Variants in KCNIP4 observed in about 807,000 individuals in gnomAD.
KCNIP4 encodes the protein potassium voltage-gated channel interacting protein 4.
A neutral mutation model predicts 34.0 loss-of-function variants in KCNIP4; 12 were observed. The ratio of observed to expected loss-of-function variants is 0.35; its 90% CI spans 0.23 to 0.57. The LOEUF is 0.57. Among genes scored for constraint, KCNIP4 ranks in the 20% least tolerant of loss-of-function variants. The pLI, the probability that KCNIP4 is intolerant of heterozygous loss-of-function variation, is 0.83. For synonymous variants in KCNIP4, 124 were observed against 102.2 expected (o/e 1.21, Z -1.29); for missense variants, 238 against 311.7 (o/e 0.76, Z 1.78).
intron 1 of KCNIP4, among the ~76,000 whole-genome samples, chr4:21,651,821 A>G (rs1225782218): frequency 2.0e-5 from 3 of 152,328 alleles, no homozygotes; most frequent in Admixed American, 1.3e-4. Context: ...GAACTCAGGT[A>G]AGTTATTGAA....
At chr4:20,819,164 G>A (rs955665926) in intron 3 of KCNIP4, among the ~76,000 whole-genome samples, 1 of 151,856 alleles carries the variant, frequency 6.6e-6, no homozygotes, top group Non-Finnish European at 1.5e-5. Flanking sequence ...CTGGCCTTAT[G>A]TTATCTCACT....
chr4:21,270,676 G>T (rs1312047355), intron 1 of KCNIP4, among the ~76,000 whole-genome samples: 1 of 152,012 alleles, frequency 6.6e-6, no homozygotes, highest in African/African-American at 2.4e-5. Context: ...GCACTTGGAA[G>T]AAGACACATT....
chr4:21,316,535 T>C (rs1713780477), intron 1 of KCNIP4: 1 of 152,206 alleles, frequency 6.6e-6, no homozygotes, highest in Non-Finnish European at 1.5e-5. Flanking sequence ...ACTTTAATCA[T>C]TAACACCATG....
chr4:20,771,701 G>A (rs1330966326), intron 3 of KCNIP4, among the ~76,000 whole-genome samples: 6 of 151,344 alleles, frequency 4.0e-5, no homozygotes, highest in Non-Finnish European at 8.8e-5. Context: ...ACAGAATCTC[G>A]CTCTGCCGCC....
chr4:21,199,851 C>T (rs1215339004), intron 1 of KCNIP4, among the ~76,000 whole-genome samples: 1 of 151,906 alleles, frequency 6.6e-6, no homozygotes, highest in African/African-American at 2.4e-5. Context: ...CCATGGAATA[C>T]TATGCAGCCA....
At chr4:21,471,024 C>T (rs1730424369) in intron 1 of KCNIP4, among the ~76,000 whole-genome samples, 1 of 152,096 alleles carries the variant, frequency 6.6e-6, no homozygotes, top group Admixed American at 6.6e-5. Context: ...TCTCAATGCT[C>T]TCCCTACCTC....
rs2108984648 is a variant in KCNIP4 at position 21,658,133 on chromosome 4, C to A, written c.61+290438G>T. ...GATTATAGGCGTGAGCCACCGCTCCCAGCCTAAATGTAATTTTATTTAAGA... is the reference window on the plus strand; with the variant it reads ...GATTATAGGCGTGAGCCACCGCTCCAAGCCTAAATGTAATTTTATTTAAGA... On this transcript the variant is annotated intron_variant, in intron 1 of 8. Coordinates refer to ENST00000382152, the MANE Select transcript of KCNIP4 (RefSeq NM_025221.6). Among the ~76,000 whole-genome samples the A allele has an allele frequency of 2.0e-5, 3 of 152,244 alleles. No homozygotes were observed. The South Asian group carries it at 6.2e-4, about 32-fold the overall frequency.
At chr4:21,839,232 A>G (rs2109317824) in intron 1 of KCNIP4, among the ~76,000 whole-genome samples, 1 of 152,318 alleles carries the variant, frequency 6.6e-6, no homozygotes, top group Non-Finnish European at 1.5e-5. Flanking sequence ...AATCAAAATT[A>G]AACTTTTAAT....
At chr4:21,929,715 T>A (rs1480238058) in intron 1 of KCNIP4, among the ~76,000 whole-genome samples, 3 of 152,142 alleles carry the variant, frequency 2.0e-5, no homozygotes, top group Admixed American at 1.3e-4. Flanking sequence ...CACATCTCCT[T>A]AATCTCCTTA....
At chr4:20,859,295 A>G (rs1721943370) in intron 2 of KCNIP4, among the ~76,000 whole-genome samples, 1 of 152,236 alleles carries the variant, frequency 6.6e-6, no homozygotes, top group South Asian at 2.1e-4. Context: ...GACAAAAACC[A>G]GAACCAGATG....
intron 1 of KCNIP4, among the ~76,000 whole-genome samples, chr4:21,071,206 T>G (rs1744884313): frequency 6.6e-6 from 1 of 152,192 alleles, no homozygotes; most frequent in African/African-American, 2.4e-5. Flanking sequence ...TGTGACCTGC[T>G]ACAAGTTTCA....
At chr4:20,770,103 C>G (rs1042419695) in intron 3 of KCNIP4, among the ~76,000 whole-genome samples, 7 of 152,192 alleles carry the variant, frequency 4.6e-5, no homozygotes, top group Admixed American at 1.3e-4. Flanking sequence ...CTCCCACAGC[C>G]TGCTTCTTCT....
chr4:21,250,435 A>G (rs1216717822), intron 1 of KCNIP4, among the ~76,000 whole-genome samples: 2 of 152,150 alleles, frequency 1.3e-5, no homozygotes, highest in Non-Finnish European at 2.9e-5. Context: ...AATCCATTAA[A>G]TAAGTGGGAG....
At chr4:21,219,892 T>G (rs1405854733) in intron 1 of KCNIP4, among the ~76,000 whole-genome samples, 3 of 152,136 alleles carry the variant, frequency 2.0e-5, no homozygotes, top group African/African-American at 7.2e-5. Context: ...TATTAAAAAC[T>G]TACTGAGTTC....
At chr4:21,365,250 C>T (rs893128817) in intron 1 of KCNIP4, among the ~76,000 whole-genome samples, 11 of 151,962 alleles carry the variant, frequency 7.2e-5, no homozygotes, top group African/African-American at 7.2e-5. Flanking sequence ...TTTGGGAGGC[C>T]GAGGTGGGCG....
At chr4:21,568,702 T>G (rs1332989379) in intron 1 of KCNIP4, among the ~76,000 whole-genome samples, 1 of 150,968 alleles carries the variant, frequency 6.6e-6, no homozygotes, top group Non-Finnish European at 1.5e-5. Context: ...GGGCTCTCTG[T>G]GGCCTTTGGC....
intron 1 of KCNIP4, among the ~76,000 whole-genome samples, chr4:20,907,351 C>T (rs2149563316): frequency 6.6e-6 from 1 of 152,188 alleles, no homozygotes; most frequent in South Asian, 2.1e-4. Context: ...TCTAACTCTG[C>T]TACTGTTAAT....
chr4:20,956,340 T>C (rs1733298399), intron 1 of KCNIP4, among the ~76,000 whole-genome samples: 1 of 152,052 alleles, frequency 6.6e-6, no homozygotes, highest in Non-Finnish European at 1.5e-5. Context: ...CCATCTCTAC[T>C]AAAAATACAA....
At chr4:20,802,936 G>A (rs1291024323) in intron 3 of KCNIP4, among the ~76,000 whole-genome samples, 4 of 151,918 alleles carry the variant, frequency 2.6e-5, no homozygotes, top group African/African-American at 4.8e-5. Context: ...TTTGCCGGGC[G>A]TGGTGGCAGG....
Sources: gnomAD v4.1 joint callset for allele counts (sites outside exome capture counted in the v4.1 genomes callset) on GRCh38, gnomAD v4.1.1 for gene constraint, MANE v1.5 for transcripts, NCBI Gene and HGNC (gene_info 2026-07-23, HGNC 2026-07-21) for gene names.